Variants in TNFRSF9 observed in about 807,000 individuals in gnomAD.
TNFRSF9 encodes the protein tumor necrosis factor receptor superfamily member 9.
Under a neutral mutation model 28.8 loss-of-function variants are expected in TNFRSF9, and 16 were observed. That is an observed-to-expected ratio of 0.55 (90% CI 0.38 to 0.84). TNFRSF9 has a LOEUF of 0.84. Ranked by LOEUF, TNFRSF9 falls within the 40% of genes least tolerant of loss-of-function variation. The probability of loss-of-function intolerance (pLI) is 0.00; values close to 1 mark genes in which losing one functional copy is unlikely to be tolerated. For synonymous variants in TNFRSF9, 131 were observed against 117.0 expected (o/e 1.12, Z -0.77); for missense variants, 303 against 315.0 (o/e 0.96, Z 0.29).
intron 7 of TNFRSF9, among the ~76,000 whole-genome samples, chr1:7,925,002 A>C (rs1639622775): frequency 6.6e-6 from 1 of 152,140 alleles, no homozygotes; most frequent in South Asian, 2.1e-4. Flanking sequence ...AAGAGTCAAA[A>C]AGTTAAAAAA....
Position 7,920,567 on chromosome 1 carries a change from T to C in TNFRSF9, c.*268A>G, listed in dbSNP as rs1276554380. The C allele has an allele frequency of 8.8e-6, 3 of 341,784 alleles. No individual in the cohort carries two copies. Among genetic ancestry groups the C allele is most frequent in the East Asian group, 1.2e-4 (2 of 16,862 alleles). The allele number at this position is 341,784 out of a possible 1,614,324, so 21.2% of individuals were successfully genotyped here. A position where few individuals can be genotyped will look rare whatever the true frequency, so the allele number is the denominator to read the frequency against. ...CAGGAGACTGAGGCAGGAGGATCAC[T>C]TGAGCTCCCAGAGGTCAAGGCTGCA... On this transcript the variant is annotated 3_prime_UTR_variant, in exon 8 of 8. Coordinates refer to ENST00000377507, the MANE Select transcript of TNFRSF9 (RefSeq NM_001561.6).
At chr1:7,931,610 A>G (rs1455876432) in intron 7 of TNFRSF9, among the ~76,000 whole-genome samples, 1 of 152,250 alleles carries the variant, frequency 6.6e-6, no homozygotes, top group Non-Finnish European at 1.5e-5. Flanking sequence ...TTAATACCAT[A>G]CAAGTCTAGA....
intron 7 of TNFRSF9, among the ~76,000 whole-genome samples, chr1:7,924,091 A>G (rs938860247): frequency 2.0e-5 from 3 of 151,998 alleles, no homozygotes; most frequent in Non-Finnish European, 2.9e-5. Context: ...GTGATGTCCA[A>G]CCATCATAAC....
chr1:7,924,624 TCAAA>T (rs1639612155), intron 7 of TNFRSF9, among the ~76,000 whole-genome samples: 1 of 151,890 alleles, frequency 6.6e-6, no homozygotes, highest in African/African-American at 2.4e-5. Flanking sequence ...AAGACTCCTC[TCAAA>T]CAAAAAACAA....
rs139136801 is a variant in TNFRSF9, at chr1:7,935,062, G to T, written c.495C>A (p.Leu165=). The T allele has an allele frequency of 6.2e-7, 1 of 1,614,282 alleles. No homozygotes were observed. Among genetic ancestry groups the T allele is most frequent in the East Asian group, 2.2e-5 (1 of 44,886 alleles). The change falls in exon 6 of 8, where the codon CTC becomes CTA. Residue 165 remains leucine, a synonymous_variant. Coordinates refer to ENST00000377507, the MANE Select transcript of TNFRSF9 (RefSeq NM_001561.6). ...DVVCGPSPAD[L]SPGASSVTPP... is the part of the protein sequence containing the mutation. The stretch of plus-strand genomic sequence containing the variant: ...GGGTCACAGAGGATGCTCCCGGAGA[G>T]AGGTCGGCTGGAGATGGTCCACAGA...
chr1:7,921,646 T>G (rs1246115724), intron 7 of TNFRSF9, among the ~76,000 whole-genome samples: 1 of 151,976 alleles, frequency 6.6e-6, no homozygotes, highest in Non-Finnish European at 1.5e-5. Flanking sequence ...CCAGCCTGGG[T>G]GACAGAGTGA....
intron 7 of TNFRSF9, among the ~76,000 whole-genome samples, chr1:7,923,509 G>A (rs991275896): frequency 1.3e-5 from 2 of 152,158 alleles, no homozygotes; most frequent in African/African-American, 4.8e-5. Context: ...TCCCTAGAGT[G>A]ATGTCAGAGG....
intron 5 of TNFRSF9, 94 bp downstream of exon 5, chr1:7,937,596 T>A: frequency 1.0e-6 from 1 of 984,528 alleles, no homozygotes; most frequent in Admixed American, 1.8e-5. Flanking sequence ...CTACACTTGA[T>A]GGGTGCAAAA....
chr1:7,932,852 CA>C (rs1408074534), intron 7 of TNFRSF9, among the ~76,000 whole-genome samples: 3 of 152,152 alleles, frequency 2.0e-5, no homozygotes, highest in Non-Finnish European at 2.9e-5. Flanking sequence ...TCCACCTCAG[CA>C]CTATTGACAT....
chr1:7,935,156 A>G lies in TNFRSF9; in HGVS notation c.414-13T>C. 2.5e-6 allele frequency: 4 copies of G among 1,607,188 alleles called. No individual in the cohort carries two copies. Among genetic ancestry groups the G allele is most frequent in the Non-Finnish European group, 3.4e-6 (4 of 1,178,030 alleles). ...ATCCAAAGAACAGCTTAGACAGTTC[A>G]ATGAAAATAATTTAAATAATTAACT... On this transcript the variant is annotated splice_polypyrimidine_tract_variant and intron_variant, in intron 5 of 7. Coordinates refer to ENST00000377507, the MANE Select transcript of TNFRSF9 (RefSeq NM_001561.6).
In TNFRSF9 at chr1:7,939,881, AACTGG is replaced by A; in HGVS notation, c.100+9_100+13del. Reference sequence around the variant, plus strand: ...ACAGAGCAGATCAAATGCACATGATAACTGGGTACTCACCAGCTGGGCAGTTACTA... The same window carrying A: ...ACAGAGCAGATCAAATGCACATGATAGTACTCACCAGCTGGGCAGTTACTA... On this transcript the variant is annotated intron_variant, in intron 2 of 7. Transcript: ENST00000377507. The A allele has an allele frequency of 6.3e-7, 1 of 1,582,804 alleles. No individual in the cohort carries two copies. Among genetic ancestry groups the A allele is most frequent in the Non-Finnish European group, 8.7e-7 (1 of 1,154,762 alleles).
At chr1:7,938,668 A>T in intron 3 of TNFRSF9, 53 bp downstream of exon 3, 1 of 1,425,554 alleles carries the variant, frequency 7.0e-7, no homozygotes, top group Non-Finnish European at 9.7e-7. Context: ...GGGAAAGAAA[A>T]GCTTATCTTC....
At chr1:7,927,343 G>A (rs750125110) in intron 7 of TNFRSF9, among the ~76,000 whole-genome samples, 3 of 152,166 alleles carry the variant, frequency 2.0e-5, no homozygotes, top group Non-Finnish European at 2.9e-5. Flanking sequence ...ACAATTACCC[G>A]ACAATCATCC....
chr1:7,937,082 G>T (rs895814845), intron 5 of TNFRSF9, among the ~76,000 whole-genome samples: 1 of 152,230 alleles, frequency 6.6e-6, no homozygotes. Context: ...TTGAACACAT[G>T]GAGACAGGCT....
rs754208616 is a variant in TNFRSF9, at chr1:7,940,041, G to A, written c.-47C>T. ...GATACTAGCAAAGCTGATTCCAAGA[G>A]AATTTTAATCAAATTAGCTGGTCTC... On this transcript the variant is annotated 5_prime_UTR_variant, in exon 2 of 8. Coordinates refer to ENST00000377507, the MANE Select transcript of TNFRSF9 (RefSeq NM_001561.6). 11 of 1,375,536 alleles carry A rather than the reference G, an allele frequency of 8.0e-6. No individual in the cohort carries two copies. The highest frequency in any genetic ancestry group is 1.1e-5 in the Non-Finnish European group (11 of 976,594). The allele number at this position is 1,375,536 out of a possible 1,614,324, so 85.2% of individuals were successfully genotyped here. A position where few individuals can be genotyped will look rare whatever the true frequency, so the allele number is the denominator to read the frequency against.
chr1:7,921,044 T>G, intron 7 of TNFRSF9, 121 bp from the exon 8 acceptor site: 1 of 748,402 alleles, frequency 1.3e-6, no homozygotes, highest in East Asian at 2.8e-5. Context: ...CCTTTAATTT[T>G]AACAAACTCA....
In TNFRSF9 at chr1:7,933,252, T is replaced by C. The variant is rs769392697; in HGVS notation, c.589A>G (p.Thr197Ala). The C allele has an allele frequency of 3.0e-5, 48 of 1,613,784 alleles. No individual in the cohort carries two copies. Among genetic ancestry groups the C allele is most frequent in the Non-Finnish European group, 4.1e-5 (48 of 1,179,860 alleles). Reference sequence around the variant, plus strand: ...AAGAACAGCAGGAAGAGCAACGCAGTCGACGTCAGCGCAAGAAAGAAGGAG... The same window carrying C: ...AAGAACAGCAGGAAGAGCAACGCAGCCGACGTCAGCGCAAGAAAGAAGGAG... ...IISFFLALTS[T>A]ALLFLLFFLT... The change falls in exon 7 of 8, where the codon ACT becomes GCT. Residue 197 changes from threonine (T) to alanine (A), a missense_variant. Transcript: ENST00000377507.
intron 7 of TNFRSF9, among the ~76,000 whole-genome samples, chr1:7,930,573 C>T (rs892631713): frequency 6.6e-6 from 1 of 152,004 alleles, no homozygotes; most frequent in African/African-American, 2.4e-5. Context: ...GCCTGGACAA[C>T]ACCGTGAATC....
chr1:7,937,708 A>G lies in TNFRSF9; in HGVS notation c.395T>C (p.Ile132Thr). Residue 132 changes from isoleucine (I) to threonine (T), a missense_variant, in exon 5 of 8, where the codon ATC (isoleucine) becomes ACC (threonine). Ile to Thr is a moderately conservative substitution (Grantham distance 89). Transcript: ENST00000377507. ...FGTFNDQKRG[I>T]CRPWTNCSLD... ...TACGTACTTTGTCCAGGGTCGACAG[A>G]TGCCACGTTTCTGATCGTTAAATGT... 6.2e-7 allele frequency: 1 copy of G among 1,613,864 alleles called. No individual in the cohort carries two copies. The highest frequency in any genetic ancestry group is 8.5e-7 in the Non-Finnish European group (1 of 1,179,734).
Sources: allele counts gnomAD v4.1 joint callset (sites outside exome capture counted in the v4.1 genomes callset), GRCh38; gene constraint gnomAD v4.1.1; transcripts MANE v1.5; gene names NCBI Gene and HGNC (gene_info 2026-07-23, HGNC 2026-07-21).